SPAG16: variants seen among roughly 807,000 people sequenced by gnomAD.
SPAG16 encodes the protein sperm associated antigen 16, also known as sperm-associated antigen 16 protein.
SPAG16 carries 86 observed loss-of-function variants against 80.4 expected under a neutral mutation model. The observed-to-expected ratio is 1.07, with a 90% CI of 0.90 to 1.28. The LOEUF is 1.28. Among genes scored for constraint, SPAG16 ranks in the 50% most tolerant of loss-of-function variants. The pLI is 0.00. For missense variants in SPAG16, 870 were observed against 765.3 expected, an observed-to-expected ratio of 1.14 and a Z score of -1.61; for synonymous variants, 294 against 265.9, an observed-to-expected ratio of 1.11 and a Z score of -1.03.
chr2:214,333,039 A>G (rs1389652722), intron 15 of SPAG16, among the ~76,000 whole-genome samples: 1 of 152,092 alleles, frequency 6.6e-6, no homozygotes, highest in Non-Finnish European at 1.5e-5. Context: ...CTTTTTTCCC[A>G]TTATCGGAGG....
intron 15 of SPAG16, among the ~76,000 whole-genome samples, chr2:214,304,515 G>T (rs1694782438): frequency 6.6e-6 from 1 of 152,140 alleles, no homozygotes; most frequent in Non-Finnish European, 1.5e-5. Flanking sequence ...ACTTTTAGTT[G>T]ATCTAATATC....
At chr2:213,971,379 C>T (rs1186567904) in intron 12 of SPAG16, among the ~76,000 whole-genome samples, 1 of 152,028 alleles carries the variant, frequency 6.6e-6, no homozygotes, top group Non-Finnish European at 1.5e-5. Context: ...CTAATATATG[C>T]AAAACTGAAC....
At chr2:213,867,375 G>A (rs1233832499) in intron 11 of SPAG16, among the ~76,000 whole-genome samples, 1 of 152,138 alleles carries the variant, frequency 6.6e-6, no homozygotes, top group South Asian at 2.1e-4. Context: ...CAAAAAGTGG[G>A]AGCATAAACA....
chr2:213,348,473 C>G (rs1367391093), intron 6 of SPAG16, among the ~76,000 whole-genome samples: 2 of 152,034 alleles, frequency 1.3e-5, no homozygotes, highest in African/African-American at 4.8e-5. Context: ...TTCCTAGCCT[C>G]GATGGTCTTT....
intron 9 of SPAG16, chr2:213,422,183 C>T (rs1330088233): frequency 1.4e-6 from 1 of 701,000 alleles, no homozygotes; most frequent in Middle Eastern, 3.5e-4. Context: ...GGAGCCCAGA[C>T]CTAGAAGCTC....
chr2:213,340,322 A>T (rs771904806), intron 6 of SPAG16, 52 bp downstream of exon 6: 2 of 1,222,130 alleles, frequency 1.6e-6, no homozygotes, highest in Non-Finnish European at 2.3e-6. Context: ...AATACATGTT[A>T]AGTAATTTGA....
At chr2:213,926,809 A>T (rs1430286638) in intron 11 of SPAG16, among the ~76,000 whole-genome samples, 1 of 151,990 alleles carries the variant, frequency 6.6e-6, no homozygotes, top group East Asian at 1.9e-4. Context: ...CTTATTTCCC[A>T]TTATGTGTTT....
chr2:214,240,576 T>G (rs1487326397), intron 15 of SPAG16: 2 of 152,210 alleles, frequency 1.3e-5, no homozygotes, highest in South Asian at 2.1e-4. Context: ...ATAGAAGTCT[T>G]AAAGCAAGAA....
chr2:214,137,073 T>C (rs983506650), intron 14 of SPAG16, among the ~76,000 whole-genome samples: 1 of 152,196 alleles, frequency 6.6e-6, no homozygotes, highest in Admixed American at 6.6e-5. Context: ...GATTTCATTA[T>C]TTCTTTATTC....
chr2:213,905,416 C>T (rs2077392343), intron 11 of SPAG16, among the ~76,000 whole-genome samples: 1 of 152,144 alleles, frequency 6.6e-6, no homozygotes, highest in African/African-American at 2.4e-5. Flanking sequence ...ATTAAATGTC[C>T]AGTGGCAAAT....
intron 15 of SPAG16, among the ~76,000 whole-genome samples, chr2:214,191,486 G>T (rs1229237597): frequency 1.3e-5 from 2 of 151,966 alleles, no homozygotes; most frequent in South Asian, 4.2e-4. Context: ...ACCAAGGTGG[G>T]CAGATTACTT....
At chr2:213,531,074 G>C (rs1490629240) in intron 10 of SPAG16, among the ~76,000 whole-genome samples, 1 of 151,672 alleles carries the variant, frequency 6.6e-6, no homozygotes, top group East Asian at 1.9e-4. Flanking sequence ...TCACATACTT[G>C]TTGACCTTTT....
chr2:213,930,773 C>G (rs1490180043), intron 12 of SPAG16, among the ~76,000 whole-genome samples: 1 of 152,024 alleles, frequency 6.6e-6, no homozygotes, highest in East Asian at 1.9e-4. Context: ...TGCTCATTAC[C>G]TTCTGTTAGG....
chr2:214,297,259 G>T lies in SPAG16; in HGVS notation c.1721-112881G>T, dbSNP rs564207487. ...GCAATTATTTTCTTCAATTCTGTAGGTTGTCAGTTTACTCTGTTAATTTTT... is the reference window on the plus strand; with the variant it reads ...GCAATTATTTTCTTCAATTCTGTAGTTTGTCAGTTTACTCTGTTAATTTTT... On this transcript the variant is annotated intron_variant, in intron 15 of 15. Transcript: ENST00000331683. 2.0e-5 allele frequency among the ~76,000 whole-genome samples: 3 copies of T among 152,142 alleles called. No homozygotes were observed. In the South Asian group the frequency reaches 6.2e-4, roughly 32 times the overall value.
At chr2:213,518,254 C>T (rs1049493986) in intron 10 of SPAG16, among the ~76,000 whole-genome samples, 6 of 152,160 alleles carry the variant, frequency 3.9e-5, no homozygotes, top group East Asian at 1.9e-4. Context: ...GCAAAACCAT[C>T]GTACACCAGG....
chr2:213,753,827 CAT>C (rs2068196014), intron 10 of SPAG16, among the ~76,000 whole-genome samples: 1 of 152,118 alleles, frequency 6.6e-6, no homozygotes, highest in African/African-American at 2.4e-5. Context: ...AACATGAAGA[CAT>C]GTGTGGTCTT....
intron 13 of SPAG16, among the ~76,000 whole-genome samples, chr2:214,063,845 A>G (rs537580847): frequency 6.6e-6 from 1 of 152,262 alleles, no homozygotes; most frequent in South Asian, 2.1e-4. Context: ...ACTTATTTAT[A>G]ATGTTTATTA....
chr2:214,291,304 T>TTA (rs1200372421), intron 15 of SPAG16, among the ~76,000 whole-genome samples: 5 of 117,882 alleles, frequency 4.2e-5, no homozygotes, highest in Admixed American at 3.4e-4. Context: ...ATGTTTCTTT[T>TTA]TTTTTTTTTT....
At chr2:213,715,485 C>G (rs1251571782) in intron 10 of SPAG16, among the ~76,000 whole-genome samples, 2 of 152,126 alleles carry the variant, frequency 1.3e-5, no homozygotes. Flanking sequence ...GTGAAAATAG[C>G]TTGGGTTCTA....
Sources: gnomAD v4.1 joint callset for allele counts (sites outside exome capture counted in the v4.1 genomes callset) on GRCh38, gnomAD v4.1.1 for gene constraint, MANE v1.5 for transcripts, NCBI Gene and HGNC (gene_info 2026-07-23, HGNC 2026-07-21) for gene names.